Variants in MBTPS1 observed in about 807,000 individuals in gnomAD.
The protein encoded by MBTPS1 is membrane bound transcription factor peptidase, site 1, also known as membrane-bound transcription factor site-1 protease.
MBTPS1 carries 94 observed loss-of-function variants against 127.8 expected under a neutral mutation model. That is an observed-to-expected ratio of 0.74 (90% confidence interval 0.62 to 0.87). The LOEUF (loss-of-function observed/expected upper bound fraction) is 0.87. MBTPS1 is among the 40% of genes least tolerant of loss of function. The pLI is 0.00. For missense variants in MBTPS1, 1,636 were observed against 1,353.2 expected (o/e 1.21, Z -3.28); for synonymous variants, 632 against 509.4 (o/e 1.24, Z -3.24).
chr16:84,108,792 T>C (rs1208145889), intron 1 of MBTPS1, among the ~76,000 whole-genome samples: 1 of 152,150 alleles, frequency 6.6e-6, no homozygotes, highest in Admixed American at 6.5e-5. Flanking sequence ...AGTGGGGTGA[T>C]AGCAGTGAAG....
intron 8 of MBTPS1, among the ~76,000 whole-genome samples, chr16:84,087,661 CA>C (rs1237523960): frequency 6.6e-6 from 1 of 152,154 alleles, no homozygotes; most frequent in African/African-American, 2.4e-5. Context: ...GCTGTGCTCA[CA>C]TTACGCCCTC....
intron 1 of MBTPS1, among the ~76,000 whole-genome samples, chr16:84,115,694 C>T (rs548528762): frequency 1.3e-5 from 2 of 152,262 alleles, no homozygotes; most frequent in Admixed American, 6.5e-5. Context: ...TCTAGAAAGA[C>T]AAAGTAGATG....
At chr16:84,113,414 A>T (rs2086426007) in intron 1 of MBTPS1, among the ~76,000 whole-genome samples, 1 of 152,212 alleles carries the variant, frequency 6.6e-6, no homozygotes, top group Non-Finnish European at 1.5e-5. Context: ...ATAATTAAAA[A>T]TTTTTGACAT....
chr16:84,068,635 G>A (rs2085725854), intron 14 of MBTPS1, among the ~76,000 whole-genome samples, 181 bp from the exon 15 acceptor site: 1 of 152,306 alleles, frequency 6.6e-6, no homozygotes, highest in East Asian at 1.9e-4. Context: ...CTGGACACAC[G>A]GAAATGGCTG....
chr16:84,058,462 G>A (rs917594763), intron 21 of MBTPS1, among the ~76,000 whole-genome samples: 1 of 152,208 alleles, frequency 6.6e-6, no homozygotes, highest in African/African-American at 2.4e-5. Flanking sequence ...GGCCTCGGAG[G>A]GCAAGACTCC....
At chr16:84,110,895 A>C (rs1030885244) in intron 1 of MBTPS1, 1 of 152,258 alleles carries the variant, frequency 6.6e-6, no homozygotes, top group Non-Finnish European at 1.5e-5. Context: ...TACACACTGC[A>C]AGATTATGAG....
intron 18 of MBTPS1, 26 bp downstream of exon 18, chr16:84,065,664 A>G: frequency 6.6e-7 from 1 of 1,523,962 alleles, no homozygotes; most frequent in Non-Finnish European, 9.1e-7. Context: ...AGAAGAAGCA[A>G]AAGGCCCATG....
At chr16:84,110,240 T>C (rs2086380279) in intron 1 of MBTPS1, among the ~76,000 whole-genome samples, 1 of 152,216 alleles carries the variant, frequency 6.6e-6, no homozygotes, top group Non-Finnish European at 1.5e-5. Flanking sequence ...GGGACTGAGC[T>C]AGTTAAAGGG....
chr16:84,113,559 A>G (rs2086428166), intron 1 of MBTPS1, among the ~76,000 whole-genome samples: 1 of 152,284 alleles, frequency 6.6e-6, no homozygotes, highest in Non-Finnish European at 1.5e-5. Context: ...GGTGGCTAGC[A>G]TTCTTTGCAG....
chr16:84,095,361 G>C lies in MBTPS1; in HGVS notation c.625+241C>G, dbSNP rs188996963. The stretch of plus-strand genomic sequence containing the variant: ...TGGTAACAAAAATAAGACACAAATG[G>C]TGACAATTAGGAAAGCCACAGAAAC... On this transcript the variant is annotated intron_variant, in intron 4 of 22. Coordinates refer to ENST00000343411, the MANE Select transcript of MBTPS1 (RefSeq NM_003791.4). Among the ~76,000 whole-genome samples, 4 of 152,320 alleles carry C rather than the reference G, an allele frequency of 2.6e-5. No individual in the cohort carries two copies. In the East Asian group the frequency reaches 7.7e-4, roughly 29 times the overall value.
Position 84,116,754 on chromosome 16 carries a change from G to A in MBTPS1, c.-344C>T, listed in dbSNP as rs1390411361. The A allele has an allele frequency of 2.6e-5, 4 of 152,138 alleles. No individual in the cohort carries two copies. Among genetic ancestry groups the A allele is most frequent in the Non-Finnish European group, 4.4e-5 (3 of 68,044 alleles). 9.4% of individuals were successfully genotyped at this position (152,138 alleles called of 1,614,324 possible). On this transcript the variant is annotated 5_prime_UTR_variant, in exon 1 of 23. Transcript: ENST00000343411. ...ACGTACCTGCGCCGCCGGGAGCTCA[G>A]GGCCGGCGGGCCCGGGATAACGGCG...
chr16:84,114,378 C>T (rs559097269), intron 1 of MBTPS1, among the ~76,000 whole-genome samples: 2 of 152,318 alleles, frequency 1.3e-5, no homozygotes, highest in South Asian at 4.1e-4. Context: ...TGTATCACTA[C>T]AGTCAAGAGT....
chr16:84,059,205 C>G (rs1336041873), intron 21 of MBTPS1, 97 bp downstream of exon 21: 4 of 1,452,098 alleles, frequency 2.8e-6, no homozygotes, highest in Non-Finnish European at 2.8e-6. Flanking sequence ...TCTGACAATT[C>G]GATAGTGATG....
At chr16:84,112,961 C>T (rs544943955) in intron 1 of MBTPS1, among the ~76,000 whole-genome samples, 1 of 125,944 alleles carries the variant, frequency 7.9e-6, no homozygotes, top group Admixed American at 1.0e-4. Context: ...GGAGACAGAG[C>T]GAGATGCCAT....
In MBTPS1 at chr16:84,093,309, A is replaced by G; in HGVS notation, c.737-12T>C. ...GCCATGGCCCAACCCTGCAGTCCAT[A>G]AAGAAAACAATCCCATAAAACACAC... On this transcript the variant is annotated splice_polypyrimidine_tract_variant and intron_variant, in intron 5 of 22. Coordinates refer to ENST00000343411, the MANE Select transcript of MBTPS1 (RefSeq NM_003791.4). 6.4e-7 allele frequency: 1 copy of G among 1,560,580 alleles called. No individual in the cohort carries two copies. Among genetic ancestry groups the G allele is most frequent in the Non-Finnish European group, 8.8e-7 (1 of 1,131,102 alleles).
chr16:84,092,912 G>C (rs1243498357), intron 6 of MBTPS1, among the ~76,000 whole-genome samples: 1 of 152,200 alleles, frequency 6.6e-6, no homozygotes, highest in Non-Finnish European at 1.5e-5. Context: ...GAAGCCTGGA[G>C]GTAGAGAAGA....
rs941425319 is a variant in MBTPS1 at position 84,095,799 on chromosome 16, G to A, written c.428C>T (p.Pro143Leu). Residue 143 changes from proline (P) to leucine (L), a missense_variant, in exon 4 of 23, where the codon CCC becomes CTC. Physicochemically the swap from Pro to Leu is moderately conservative, Grantham distance 98. Coordinates refer to ENST00000343411, the MANE Select transcript of MBTPS1 (RefSeq NM_003791.4). ...CCGGGTTTCATTGCAGGGTACTGTG[G>A]GGTCAGCTACAGGCAAGGGAGAGAA... ...FRSLKYAESD[P>L]TVPCNETRWS... 19 of 1,613,452 alleles carry A rather than the reference G, an allele frequency of 1.2e-5. No individual in the cohort carries two copies. The highest frequency in any genetic ancestry group is 1.5e-5 in the Non-Finnish European group (18 of 1,179,796).
intron 1 of MBTPS1, among the ~76,000 whole-genome samples, chr16:84,107,265 G>A (rs979560362): frequency 2.6e-5 from 4 of 152,212 alleles, no homozygotes; most frequent in Non-Finnish European, 4.4e-5. Flanking sequence ...GTGAGCGGGT[G>A]AGCCTGGCCG....
chr16:84,102,981 G>C (rs1288044892), intron 1 of MBTPS1, among the ~76,000 whole-genome samples: 2 of 152,166 alleles, frequency 1.3e-5, no homozygotes, highest in African/African-American at 4.8e-5. Context: ...TGAGAAGACA[G>C]TTTGTGAGGG....
Sources: gnomAD v4.1 joint callset for allele counts (sites outside exome capture counted in the v4.1 genomes callset) on GRCh38, gnomAD v4.1.1 for gene constraint, MANE v1.5 for transcripts, NCBI Gene and HGNC (gene_info 2026-07-23, HGNC 2026-07-21) for gene names.